Variants in C19orf44 observed in about 807,000 individuals in gnomAD.
C19orf44 encodes the protein chromosome 19 open reading frame 44, also known as uncharacterized protein C19orf44.
C19orf44 carries 43 observed loss-of-function variants against 50.7 expected under a neutral mutation model. The ratio of observed to expected loss-of-function variants is 0.85; its 90% CI spans 0.66 to 1.09. C19orf44 has a LOEUF of 1.09. Ranked by LOEUF, C19orf44 falls within the 50% of genes least tolerant of loss-of-function variation. The probability of loss-of-function intolerance (pLI) is 0.00; values close to 1 mark genes in which losing one functional copy is unlikely to be tolerated. For synonymous variants in C19orf44, 298 were observed against 334.7 expected (o/e 0.89, Z 1.20); for missense variants, 722 against 836.2 (o/e 0.86, Z 1.68).
rs1219638205 is a variant in C19orf44 at position 16,517,328 on chromosome 19, C to T, written c.*27C>T. ...CGCCAGCAGGTGGAGCTTGACGTGA[C>T]GTCTTAACAAAAGGTATCCCGTCCT... On this transcript the variant is annotated 3_prime_UTR_variant, in exon 8 of 9. Transcript: ENST00000221671. The T allele has an allele frequency of 1.2e-5, 20 of 1,604,928 alleles. No individual in the cohort carries two copies. Among genetic ancestry groups the T allele is most frequent in the South Asian group, 3.3e-5 (3 of 90,700 alleles).
chr19:16,508,103 C>A (rs1217673716), intron 4 of C19orf44, among the ~76,000 whole-genome samples: 2 of 150,974 alleles, frequency 1.3e-5, no homozygotes, highest in Non-Finnish European at 2.9e-5. Context: ...CCACGCCCGG[C>A]CTTAATTATT....
Position 16,519,742 on chromosome 19 carries a change from TAAG to T in C19orf44, c.*41-348_*41-346del, listed in dbSNP as rs1568503285. 2 of 1,573,102 alleles carry T rather than the reference TAAG, an allele frequency of 1.3e-6. No homozygotes were observed. The highest frequency in any genetic ancestry group is 2.2e-5 in the East Asian group (1 of 44,662). ...TAAAATCGAGACAGGTTATTCTTTT[TAAG>T]AAGTAACTGAGACATTTATTGGAAT... is the stretch of plus-strand genomic sequence containing the variant. On this transcript the variant is annotated intron_variant, in intron 8 of 8. Transcript: ENST00000221671. This position sits in a 1 kb window ranked among gnomAD's most constrained non-coding sequence, Gnocchi z 6.0.
rs2093450224 is a variant in C19orf44, at chr19:16,509,550, G to T, written c.1201G>T (p.Ala401Ser). 2 of 1,584,730 alleles carry T rather than the reference G, an allele frequency of 1.3e-6. No homozygotes were observed. The highest frequency in any genetic ancestry group is 1.7e-6 in the Non-Finnish European group (2 of 1,165,976). The change falls in exon 5 of 9, where the codon GCG (alanine) becomes TCG (serine). Residue 401 changes from alanine (A) to serine (S), a missense_variant. Transcript: ENST00000221671. ...KTAGKIFRAE[A>S]STGQDAPRQA... ...AGCTGGCAAAATCTTCAGAGCCGAG[G>T]CGTCCACTGGGCAGGATGCCCCGAG...
intron 1 of C19orf44, chr19:16,499,722 A>G (rs55642437): frequency 0.063 from 9,635 of 152,174 alleles, 420 homozygotes; most frequent in Middle Eastern, 0.13. Context: ...ATATACACAT[A>G]CGGTAAAGAT....
In C19orf44 at chr19:16,519,840, G is replaced by A. The variant is rs2085591555; in HGVS notation, c.*41-254G>A. On this transcript the variant is annotated intron_variant, in intron 8 of 8. Transcript: ENST00000221671. The surrounding 1 kb of genome is among the most constrained non-coding windows in gnomAD (Gnocchi z 6.0). The stretch of plus-strand genomic sequence containing the variant: ...CTGTCACCAGGTGACACCGTATGCA[G>A]ATTTTGCGTCTCTACCCGTTTATCC... The A allele has an allele frequency of 3.4e-6, 3 of 873,536 alleles. No homozygotes were observed. The highest frequency in any genetic ancestry group is 1.9e-5 in the Admixed American group (1 of 53,582). 54.1% of individuals were successfully genotyped at this position (873,536 alleles called of 1,614,324 possible).
chr19:16,520,360 C>T lies in C19orf44; in HGVS notation c.*307C>T, dbSNP rs1192156615. On this transcript the variant is annotated 3_prime_UTR_variant, in exon 9 of 9. Coordinates refer to ENST00000221671, the MANE Select transcript of C19orf44 (RefSeq NM_032207.4). The surrounding 1 kb of genome is among the most constrained non-coding windows in gnomAD (Gnocchi z 4.0). ...GGCACTGCCCTGAGGCAGCCTCTGCCTACCTAGATCTGGAGCGGGAGTAGG... is the reference window on the plus strand; with the variant it reads ...GGCACTGCCCTGAGGCAGCCTCTGCTTACCTAGATCTGGAGCGGGAGTAGG... 6.2e-7 allele frequency: 1 copy of T among 1,612,192 alleles called. No homozygotes were observed. The highest frequency in any genetic ancestry group is 2.2e-5 in the East Asian group (1 of 44,878).
Position 16,506,704 on chromosome 19 carries a change from T to G in C19orf44, c.1079T>G (p.Phe360Cys). ...TATACTCATTTTTTAATTACAGAGT[T>G]TAGAATAAATATTTTATCGCTTGAC... ...SEGADDSLDE[F>C]RINILSLDGL... The change falls in exon 4 of 9, where the codon TTT becomes TGT. Residue 360 changes from phenylalanine (F) to cysteine (C), a missense_variant. By Grantham distance (205) the Phe-to-Cys change is radical (BLOSUM62 -2). Coordinates refer to ENST00000221671, the MANE Select transcript of C19orf44 (RefSeq NM_032207.4). The G allele has an allele frequency of 6.3e-7, 1 of 1,591,504 alleles. No individual in the cohort carries two copies. Among genetic ancestry groups the G allele is most frequent in the African/African-American group, 1.4e-5 (1 of 74,030 alleles).
At chr19:16,514,154 A>ATT (rs531759810) in intron 6 of C19orf44, among the ~76,000 whole-genome samples, 4 of 144,940 alleles carry the variant, frequency 2.8e-5, no homozygotes, top group Non-Finnish European at 3.0e-5. Context: ...CACCTGGCTA[A>ATT]TTTTTTTTTT....
intron 7 of C19orf44, among the ~76,000 whole-genome samples, chr19:16,516,797 C>T (rs2093473714): frequency 6.6e-6 from 1 of 152,214 alleles, no homozygotes; most frequent in Non-Finnish European, 1.5e-5. Flanking sequence ...GGTTGTGAGT[C>T]CCACGGGTCT....
chr19:16,512,338 G>T (rs1290114485), intron 5 of C19orf44, among the ~76,000 whole-genome samples: 1 of 152,114 alleles, frequency 6.6e-6, no homozygotes, highest in Non-Finnish European at 1.5e-5. Context: ...AAAGGAGAAA[G>T]AAAAAACAGC....
rs1352733875 is a variant in C19orf44 at position 16,500,734 on chromosome 19, G to A, written c.-1-58G>A. On this transcript the variant is annotated intron_variant, in intron 1 of 8. Transcript: ENST00000221671. ...GAGCTTTTGCCAAGTAGGAGCCATT[G>A]AATGCTCAATACAAACAGCAGGTAC... is the stretch of plus-strand genomic sequence containing the variant. The A allele has an allele frequency of 1.6e-5, 23 of 1,478,672 alleles. No homozygotes were observed. The Admixed American group carries it at 1.6e-4, about 10-fold the overall frequency. 91.6% of individuals were successfully genotyped at this position (1,478,672 alleles called of 1,614,324 possible).
rs752633904 is a variant in C19orf44, at chr19:16,519,650, T to C, written c.*41-444T>C. ...CTTCACCAGCATCTGATGGCCTTTG[T>C]TCTCTTCTCCGAGCCTTGAGTCAGG... On this transcript the variant is annotated intron_variant, in intron 8 of 8. Coordinates refer to ENST00000221671, the MANE Select transcript of C19orf44 (RefSeq NM_032207.4). This position sits in a 1 kb window ranked among gnomAD's most constrained non-coding sequence, Gnocchi z 6.0. The C allele has an allele frequency of 6.2e-7, 1 of 1,614,100 alleles. No individual in the cohort carries two copies. Among genetic ancestry groups the C allele is most frequent in the Non-Finnish European group, 8.5e-7 (1 of 1,179,994 alleles).
chr19:16,506,862 G>A, intron 4 of C19orf44, 88 bp downstream of exon 4: 2 of 993,896 alleles, frequency 2.0e-6, no homozygotes, highest in South Asian at 3.2e-5. Flanking sequence ...TAAAAATTGA[G>A]GCAGGGTCTC....
At chr19:16,496,846 G>A (rs1043538896) in intron 1 of C19orf44, among the ~76,000 whole-genome samples, 2 of 151,936 alleles carry the variant, frequency 1.3e-5, no homozygotes. Context: ...CTTTGCGTCA[G>A]GCCGGGCGCG....
In C19orf44 at chr19:16,517,296, CTG is replaced by C. The variant is rs758340081; in HGVS notation, c.1972_1973del (p.Ter658SerfsTer9). 6.8e-6 allele frequency: 11 copies of C among 1,614,070 alleles called. No individual in the cohort carries two copies. In the East Asian group the frequency reaches 2.5e-4, roughly 36 times the overall value. The stretch of plus-strand genomic sequence containing the variant: ...TGCCCTGGAGGAGGTGAACAAGGAG[CTG>C]TGAGCGCCAGCAGGTGGAGCTTGAC... ...EDALEEVNKEL is the reference protein window; with the variant it reads ...EDALEEVNKEX On this transcript the variant is annotated frameshift_variant, in exon 8 of 9. Transcript: ENST00000221671. LOFTEE classifies it high-confidence loss of function.
chr19:16,510,292 A>G (rs1459666442), intron 5 of C19orf44: 1 of 378,742 alleles, frequency 2.6e-6, no homozygotes, highest in Admixed American at 3.8e-5. Context: ...CTGTAATCCC[A>G]GCTACTCAGG....
intron 1 of C19orf44, among the ~76,000 whole-genome samples, chr19:16,500,165 G>A (rs1448471593): frequency 6.6e-6 from 1 of 152,098 alleles, no homozygotes; most frequent in African/African-American, 2.4e-5. Flanking sequence ...CTGGGCTCAG[G>A]TGATCTGCTT....
intron 6 of C19orf44, 97 bp from the exon 7 acceptor site, chr19:16,514,397 AAAG>A (rs1221728190): frequency 8.6e-6 from 11 of 1,280,472 alleles, no homozygotes; most frequent in South Asian, 6.2e-5. Flanking sequence ...AAAAAAAAAA[AAAG>A]ATTTCAGAGA....
intron 7 of C19orf44, among the ~76,000 whole-genome samples, chr19:16,516,497 T>C (rs945903357): frequency 3.9e-5 from 6 of 152,216 alleles, no homozygotes; most frequent in Admixed American, 3.3e-4. Flanking sequence ...TCTGCTTGTC[T>C]GATTTAAAGT....
Sources: gnomAD v4.1 joint callset for allele counts (sites outside exome capture counted in the v4.1 genomes callset) on GRCh38, gnomAD v4.1.1 for gene constraint, Gnocchi (gnomAD v3.1) non-coding constraint, MANE v1.5 for transcripts, NCBI Gene and HGNC (gene_info 2026-07-23, HGNC 2026-07-21) for gene names.